The following ZNF609 variants were observed in gnomAD, a reference collection of about 807,000 sequenced individuals.
ZNF609 encodes the protein zinc finger protein 609.
ZNF609 carries 11 observed loss-of-function variants against 109.5 expected under a neutral mutation model. That is an observed-to-expected ratio of 0.10 (90% CI 0.06 to 0.17). ZNF609 has a LOEUF of 0.17. ZNF609 is among the 10% of genes least tolerant of loss of function. ZNF609 has a pLI of 1.00. For synonymous variants in ZNF609, 646 were observed against 662.0 expected (o/e 0.98, Z 0.37); for missense variants, 1,559 against 1,772.4 (o/e 0.88, Z 2.16).
Position 64,674,191 on chromosome 15 carries a change from C to T in ZNF609, c.1337C>T (p.Ser446Leu). ...AATAAGCGGAAAAACAAACCCCTTT[C>T]AGACATGGAGCTGAATTCTAGCTCA... ...SANKRKNKPLSDMELNSSSED... is the reference protein window; with the variant it reads ...SANKRKNKPLLDMELNSSSED... The change falls in exon 5 of 10, where the codon TCA becomes TTA. Residue 446 changes from serine to leucine, a missense_variant. Ser to Leu is a moderately radical substitution (Grantham distance 145). This residue lies in a region of ZNF609 where 1,204 missense variants were observed against 1,314.1 expected (regional missense o/e 0.92). Transcript: ENST00000326648. The T allele has an allele frequency of 6.2e-7, 1 of 1,614,204 alleles. No homozygotes were observed. Among genetic ancestry groups the T allele is most frequent in the Non-Finnish European group, 8.5e-7 (1 of 1,180,038 alleles).
At chr15:64,508,223 TG>T (rs1021316692) in intron 2 of ZNF609, among the ~76,000 whole-genome samples, 1 of 152,228 alleles carries the variant, frequency 6.6e-6, no homozygotes, top group Non-Finnish European at 1.5e-5. Context: ...ATCCTTGTTT[TG>T]GGGGTTGGTA....
chr15:64,661,162 A>C (rs535123726), intron 3 of ZNF609, among the ~76,000 whole-genome samples: 1 of 152,068 alleles, frequency 6.6e-6, no homozygotes, highest in Non-Finnish European at 1.5e-5. Flanking sequence ...GGGTTTCACC[A>C]TGTTGGCCAG....
In ZNF609 at chr15:64,678,337, A is replaced by G; in HGVS notation, c.3624A>G (p.Pro1208=). Residue 1208 remains proline (P), a synonymous_variant, in exon 6 of 10, where the codon CCA becomes CCG. Transcript: ENST00000326648. ...ESRLGSKEPR[P]SVHVPVSSPL... The stretch of plus-strand genomic sequence containing the variant: ...GCCTTGGGAGCAAGGAGCCCCGGCC[A>G]AGTGTCCATGTGCCTGTGTCCTCCC... The G allele has an allele frequency of 6.2e-7, 1 of 1,614,120 alleles. No individual in the cohort carries two copies. Among genetic ancestry groups the G allele is most frequent in the Admixed American group, 1.7e-5 (1 of 60,022 alleles).
chr15:64,546,794 T>C (rs1310116390), intron 2 of ZNF609, among the ~76,000 whole-genome samples: 1 of 147,182 alleles, frequency 6.8e-6, no homozygotes, highest in Non-Finnish European at 1.5e-5. Context: ...TGTTTCTTTT[T>C]TTTTTTTTTT....
chr15:64,540,461 G>C (rs977300779), intron 2 of ZNF609, among the ~76,000 whole-genome samples: 2 of 151,996 alleles, frequency 1.3e-5, no homozygotes, highest in African/African-American at 4.8e-5. Context: ...CTGGAGTGCA[G>C]TGGTGCAATC....
In ZNF609 at chr15:64,683,543, C is replaced by T. The variant is rs1341375746; in HGVS notation, c.*1857C>T. On this transcript the variant is annotated 3_prime_UTR_variant, in exon 10 of 10. Coordinates refer to ENST00000326648, the MANE Select transcript of ZNF609 (RefSeq NM_015042.2). ...CCTCTTGGCAGGGCCCCAAAACAGC[C>T]TCCCTCATACCCATCATTCCCTCTG... is the stretch of plus-strand genomic sequence containing the variant. 6.6e-6 allele frequency: 1 copy of T among 152,362 alleles called. No homozygotes were observed. The highest frequency in any genetic ancestry group is 2.4e-5 in the African/African-American group (1 of 41,454). The allele number at this position is 152,362 out of a possible 1,614,324, so 9.4% of individuals were successfully genotyped here. A position where few individuals can be genotyped will look rare whatever the true frequency, so the allele number is the denominator to read the frequency against.
At chr15:64,465,723 A>G (rs1242019600) in intron 1 of ZNF609, among the ~76,000 whole-genome samples, 1 of 151,820 alleles carries the variant, frequency 6.6e-6, no homozygotes, top group Non-Finnish European at 1.5e-5. Context: ...CACCTTTGTA[A>G]CTCTTTTCCC....
intron 3 of ZNF609, chr15:64,653,967 G>A (rs964554586): frequency 5.9e-5 from 9 of 152,082 alleles, no homozygotes; most frequent in Admixed American, 1.3e-4. Context: ...AGACAATATG[G>A]TTACTCCAGC....
At chr15:64,605,021 CAG>C (rs1289691858) in intron 2 of ZNF609, among the ~76,000 whole-genome samples, 1 of 151,924 alleles carries the variant, frequency 6.6e-6, no homozygotes, top group Non-Finnish European at 1.5e-5. Context: ...TCAGTAGAGA[CAG>C]GGTTTCACTG....
At chr15:64,629,039 A>G (rs1048761309) in intron 3 of ZNF609, among the ~76,000 whole-genome samples, 1 of 152,146 alleles carries the variant, frequency 6.6e-6, no homozygotes, top group Non-Finnish European at 1.5e-5. Context: ...CTAGACTTCT[A>G]TTAGCTCTCT....
intron 2 of ZNF609, among the ~76,000 whole-genome samples, chr15:64,542,990 C>T (rs563436885): frequency 8.9e-4 from 135 of 151,986 alleles, no homozygotes; most frequent in South Asian, 5.2e-3. Flanking sequence ...TGGGGCCTGT[C>T]AGCGGGTGGG....
chr15:64,570,708 TA>T lies in ZNF609; in HGVS notation c.748-52118del, dbSNP rs1280784942. 2.6e-5 allele frequency among the ~76,000 whole-genome samples: 4 copies of T among 152,302 alleles called. No homozygotes were observed. The East Asian group carries it at 5.8e-4, about 22-fold the overall frequency. On this transcript the variant is annotated intron_variant, in intron 2 of 9. Transcript: ENST00000326648. Reference sequence around the variant, plus strand: ...GAGTTCACTCCTATTATTTTCATGTTATGTTTTTTTGGATTAGTAAAATTAG... The same window carrying T: ...GAGTTCACTCCTATTATTTTCATGTTTGTTTTTTTGGATTAGTAAAATTAG...
At chr15:64,460,167 A>G (rs1479277158), upstream of ZNF609, among the ~76,000 whole-genome samples, 1 of 152,030 alleles carries the variant, frequency 6.6e-6, no homozygotes, top group Non-Finnish European at 1.5e-5. Flanking sequence ...GTGGATGCCC[A>G]TGTTCAGATC....
At position 64,675,921 on chromosome 15, in the gene ZNF609, A is replaced by C; in HGVS notation, c.3067A>C (p.Lys1023Gln). ...AGAGCAGCAGCAGCGGGGAGTGGAC[A>C]AGAAGGCAGAGATGGGCCTGAAGGA... ...SLEQQQRGVD[K>Q]KAEMGLKERE... is the part of the protein sequence containing the mutation. The change falls in exon 5 of 10, where the codon AAG becomes CAG. Residue 1023 changes from lysine (K) to glutamine (Q), a missense_variant. Coordinates refer to ENST00000326648, the MANE Select transcript of ZNF609 (RefSeq NM_015042.2). The C allele has an allele frequency of 6.2e-7, 1 of 1,614,236 alleles. No individual in the cohort carries two copies.
intron 3 of ZNF609, among the ~76,000 whole-genome samples, chr15:64,630,332 A>C (rs1271637230): frequency 6.6e-6 from 1 of 151,920 alleles, no homozygotes; most frequent in Non-Finnish European, 1.5e-5. Flanking sequence ...TCGGCCTCCC[A>C]AAATGCTGGG....
intron 2 of ZNF609, among the ~76,000 whole-genome samples, chr15:64,504,849 C>T (rs72741369): frequency 0.061 from 9,292 of 151,920 alleles, 292 homozygotes; most frequent in South Asian, 0.086. Context: ...TGGGCTTATG[C>T]ACTTCTGCCT....
chr15:64,468,348 ACT>A (rs1040537447), intron 1 of ZNF609, among the ~76,000 whole-genome samples: 10 of 145,882 alleles, frequency 6.9e-5, no homozygotes, highest in African/African-American at 2.6e-4. Flanking sequence ...ACAGGGTCTC[ACT>A]CTGTTGCCTA....
chr15:64,563,193 T>TA (rs1323849685), intron 2 of ZNF609, among the ~76,000 whole-genome samples: 2 of 151,704 alleles, frequency 1.3e-5, no homozygotes, highest in Non-Finnish European at 2.9e-5. Context: ...CTCACACCTG[T>TA]AATCCCAGCA....
intron 2 of ZNF609, among the ~76,000 whole-genome samples, chr15:64,525,789 C>CT (rs113673431): frequency 0.025 from 3,650 of 144,748 alleles, 124 homozygotes; most frequent in African/African-American, 0.077. Flanking sequence ...TGCCCTTTTT[C>CT]TTTTTTTTTT....
Sources: gnomAD v4.1 joint callset for allele counts (sites outside exome capture counted in the v4.1 genomes callset) on GRCh38, gnomAD v4.1.1 for gene constraint, gnomAD v4.1.1 regional missense constraint, MANE v1.5 for transcripts, NCBI Gene and HGNC (gene_info 2026-07-23, HGNC 2026-07-21) for gene names.